Variants in FAF1 observed in about 807,000 individuals in gnomAD.
The protein encoded by FAF1 is Fas associated factor 1.
Under a neutral mutation model 92.5 loss-of-function variants are expected in FAF1, and 25 were observed. The observed-to-expected ratio is 0.27, with a 90% CI of 0.20 to 0.38. The LOEUF (loss-of-function observed/expected upper bound fraction) is 0.38. Ranked by LOEUF, FAF1 falls within the 10% of genes least tolerant of loss-of-function variation. The pLI, the probability that FAF1 is intolerant of heterozygous loss-of-function variation, is 1.00. For synonymous variants in FAF1, 234 were observed against 273.2 expected (o/e 0.86, Z 1.42); for missense variants, 636 against 793.3 (o/e 0.80, Z 2.38).
intron 4 of FAF1, among the ~76,000 whole-genome samples, chr1:50,784,126 A>G (rs1461157242): frequency 6.6e-6 from 1 of 152,216 alleles, no homozygotes; most frequent in African/African-American, 2.4e-5. Context: ...AACATCAGGA[A>G]CAAGCTAGGA....
chr1:50,560,555 T>C (rs571829723), intron 13 of FAF1, among the ~76,000 whole-genome samples: 59 of 152,384 alleles, frequency 3.9e-4, no homozygotes, highest in Admixed American at 1.1e-3. Flanking sequence ...ACAGCTACTA[T>C]GAACACTGCT....
rs181060429 is a variant in FAF1 at position 50,468,182 on chromosome 1, C to T, written c.1869+7282G>A. On this transcript the variant is annotated intron_variant, in intron 18 of 18. Coordinates refer to ENST00000396153, the MANE Select transcript of FAF1 (RefSeq NM_007051.3). The stretch of plus-strand genomic sequence containing the variant: ...TATAATTGTGTCACTGCACTCCAGC[C>T]TGTATGACAGAGTGAGACTCTGTCT... Among the ~76,000 whole-genome samples, 16 of 152,172 alleles carry T rather than the reference C, an allele frequency of 1.1e-4. No homozygotes were observed. In the East Asian group the frequency reaches 2.7e-3, roughly 26 times the overall value.
chr1:50,584,848 T>A (rs758954819), intron 9 of FAF1, 37 bp from the exon 10 acceptor site: 15 of 1,600,380 alleles, frequency 9.4e-6, no homozygotes, highest in Non-Finnish European at 1.3e-5. Flanking sequence ...TCATATTGAT[T>A]TTGGCCTATC....
intron 1 of FAF1, among the ~76,000 whole-genome samples, chr1:50,915,327 G>A (rs1644912089): frequency 6.8e-6 from 1 of 146,868 alleles, no homozygotes; most frequent in African/African-American, 2.5e-5. Flanking sequence ...CCAAGATCAC[G>A]CCATTGCACT....
chr1:50,917,543 A>G (rs1239919893), intron 1 of FAF1, among the ~76,000 whole-genome samples: 2 of 151,982 alleles, frequency 1.3e-5, no homozygotes, highest in Admixed American at 6.6e-5. Context: ...TCAGATAACT[A>G]AAAAGCTTAA....
intron 1 of FAF1, among the ~76,000 whole-genome samples, chr1:50,905,070 T>G (rs772625345): frequency 6.6e-6 from 1 of 152,136 alleles, no homozygotes; most frequent in Admixed American, 6.6e-5. Flanking sequence ...CGGTGTGTGA[T>G]GTTCCCCACC....
chr1:50,621,930 C>A (rs1349797487), intron 8 of FAF1, among the ~76,000 whole-genome samples: 1 of 152,120 alleles, frequency 6.6e-6, no homozygotes, highest in African/African-American at 2.4e-5. Flanking sequence ...CTATGGGAGG[C>A]CAAGGCAGGC....
chr1:50,734,690 C>T (rs1053809922), intron 6 of FAF1, among the ~76,000 whole-genome samples: 1 of 150,184 alleles, frequency 6.7e-6, no homozygotes, highest in Non-Finnish European at 1.5e-5. Flanking sequence ...GCCGAGATCA[C>T]GCCACTGCAC....
intron 7 of FAF1, among the ~76,000 whole-genome samples, chr1:50,668,262 A>T (rs1476528909): frequency 6.6e-6 from 1 of 152,140 alleles, no homozygotes; most frequent in African/African-American, 2.4e-5. Flanking sequence ...GAGTCAGGAG[A>T]GTTACATTTC....
chr1:50,749,685 G>A (rs1189884045), intron 4 of FAF1, among the ~76,000 whole-genome samples: 1 of 151,992 alleles, frequency 6.6e-6, no homozygotes, highest in African/African-American at 2.4e-5. Context: ...CTATTCAGGA[G>A]ACTGAGGCAG....
intron 13 of FAF1, among the ~76,000 whole-genome samples, chr1:50,558,396 G>A (rs570164582): frequency 1.3e-5 from 2 of 152,240 alleles, no homozygotes; most frequent in East Asian, 1.9e-4. Flanking sequence ...GGGGTCGGGG[G>A]ACGGGTTACA....
intron 12 of FAF1, among the ~76,000 whole-genome samples, chr1:50,579,073 C>T (rs1291282320): frequency 1.3e-5 from 2 of 151,984 alleles, no homozygotes; most frequent in African/African-American, 2.4e-5. Flanking sequence ...TTTTCATCTG[C>T]TAAAACACCT....
intron 8 of FAF1, among the ~76,000 whole-genome samples, chr1:50,651,733 C>A (rs1450528024): frequency 1.3e-5 from 2 of 152,060 alleles, no homozygotes; most frequent in African/African-American, 4.8e-5. Flanking sequence ...TCAGCTGTAC[C>A]CAATTCATGC....
chr1:50,936,354 G>T (rs541328394), intron 1 of FAF1, among the ~76,000 whole-genome samples: 4 of 152,126 alleles, frequency 2.6e-5, no homozygotes, highest in African/African-American at 9.7e-5. Flanking sequence ...AAAAGAAGAA[G>T]AATGAGAAAT....
At chr1:50,904,983 C>A (rs1644824289) in intron 1 of FAF1, among the ~76,000 whole-genome samples, 1 of 151,574 alleles carries the variant, frequency 6.6e-6, no homozygotes, top group South Asian at 2.1e-4. Flanking sequence ...GTGTGCTGCA[C>A]CCATTAACTC....
intron 7 of FAF1, among the ~76,000 whole-genome samples, chr1:50,691,176 C>A (rs928721032): frequency 3.9e-5 from 6 of 152,144 alleles, no homozygotes; most frequent in African/African-American, 1.2e-4. Context: ...TACATTATGT[C>A]ATAATTCCAC....
At chr1:50,700,373 T>G (rs1657416560) in intron 7 of FAF1, among the ~76,000 whole-genome samples, 1 of 152,072 alleles carries the variant, frequency 6.6e-6, no homozygotes, top group Admixed American at 6.6e-5. Context: ...CCTTTGTAAT[T>G]CTAGTAAAGC....
At chr1:50,747,011 G>A (rs964459529) in intron 4 of FAF1, among the ~76,000 whole-genome samples, 1 of 152,162 alleles carries the variant, frequency 6.6e-6, no homozygotes, top group Non-Finnish European at 1.5e-5. Flanking sequence ...AGGCATGGGG[G>A]CCCCCGCATA....
At chr1:50,936,022 G>A (rs1481370053) in intron 1 of FAF1, among the ~76,000 whole-genome samples, 2 of 152,158 alleles carry the variant, frequency 1.3e-5, no homozygotes, top group African/African-American at 4.8e-5. Flanking sequence ...ATATGCAAAT[G>A]ACAGAAAGCT....
Sources: gnomAD v4.1 joint callset for allele counts (sites outside exome capture counted in the v4.1 genomes callset) on GRCh38, gnomAD v4.1.1 for gene constraint, MANE v1.5 for transcripts, NCBI Gene and HGNC (gene_info 2026-07-23, HGNC 2026-07-21) for gene names.